Variants in SEPTIN11 observed in about 807,000 individuals in gnomAD.
SEPTIN11 encodes septin 11.
SEPTIN11 carries 25 observed loss-of-function variants against 51.4 expected under a neutral mutation model. The observed-to-expected ratio is 0.49, with a 90% CI of 0.35 to 0.68. SEPTIN11 has a LOEUF of 0.68. SEPTIN11 is among the 30% of genes least tolerant of loss of function. SEPTIN11 has a pLI of 0.00. For missense variants in SEPTIN11, 381 were observed against 520.8 expected, an observed-to-expected ratio of 0.73 and a Z score of 2.61; for synonymous variants, 174 against 184.1, an observed-to-expected ratio of 0.95 and a Z score of 0.44.
Position 77,015,518 on chromosome 4 carries a change from C to T in SEPTIN11, c.687+501C>T, listed in dbSNP as rs147179694. 2.3e-3 allele frequency among the ~76,000 whole-genome samples: 357 copies of T among 152,254 alleles called. 1 individual carries two copies. The highest frequency in any genetic ancestry group is 8.2e-3 in the African/African-American group (340 of 41,552). On this transcript the variant is annotated intron_variant, in intron 5 of 9. Transcript: ENST00000264893. ...GTCAGGTGATAAATGATTAAAGTGA[C>T]AGTGGTTCCCTGTGTGATTGTGATG...
At position 77,013,265 on chromosome 4, in the gene SEPTIN11, T is replaced by C. The variant is rs1326597173; in HGVS notation, c.525+1344T>C. Among the ~76,000 whole-genome samples the C allele has an allele frequency of 5.3e-5, 8 of 152,208 alleles. No homozygotes were observed. The South Asian group carries it at 1.0e-3, about 20-fold the overall frequency. ...GTCAACCATAAAGCAGGTTAAACTT[T>C]CAAAGAAGTGATATTGTTGGAGAGT... is the stretch of plus-strand genomic sequence containing the variant. On this transcript the variant is annotated intron_variant, in intron 4 of 9. Transcript: ENST00000264893.
At chr4:77,027,767 G>T (rs1402619455) in intron 7 of SEPTIN11, among the ~76,000 whole-genome samples, 1 of 152,182 alleles carries the variant, frequency 6.6e-6, no homozygotes, top group South Asian at 2.1e-4. Context: ...GGGGGTTGCA[G>T]TGGGGGTGTA....
intron 3 of SEPTIN11, among the ~76,000 whole-genome samples, chr4:77,011,200 G>C (rs1724837568): frequency 6.6e-6 from 1 of 152,182 alleles, no homozygotes; most frequent in African/African-American, 2.4e-5. Flanking sequence ...ATAGCTCGCA[G>C]TAGGTGGTGG....
chr4:76,970,337 A>G (rs1722189735), intron 1 of SEPTIN11, among the ~76,000 whole-genome samples: 1 of 152,240 alleles, frequency 6.6e-6, no homozygotes, highest in Non-Finnish European at 1.5e-5. Flanking sequence ...TAAACACAGC[A>G]TAGAGTAGTG....
intron 1 of SEPTIN11, among the ~76,000 whole-genome samples, chr4:76,950,503 A>G (rs1263032213): frequency 1.3e-5 from 2 of 152,226 alleles, no homozygotes; most frequent in African/African-American, 4.8e-5. Flanking sequence ...CAGATAACAC[A>G]CACAAAGTTT....
intron 1 of SEPTIN11, among the ~76,000 whole-genome samples, chr4:76,961,599 G>C (rs1488741801): frequency 6.6e-6 from 1 of 152,172 alleles, no homozygotes; most frequent in Non-Finnish European, 1.5e-5. Flanking sequence ...AATATGCTTA[G>C]AACACTTACA....
chr4:77,012,558 C>T (rs887066642), intron 4 of SEPTIN11, among the ~76,000 whole-genome samples: 2 of 152,156 alleles, frequency 1.3e-5, no homozygotes, highest in African/African-American at 4.8e-5. Flanking sequence ...ACAAGAACAA[C>T]CACAAAACTA....
At chr4:77,002,706 A>G (rs556458356) in intron 2 of SEPTIN11, among the ~76,000 whole-genome samples, 1 of 151,824 alleles carries the variant, frequency 6.6e-6, no homozygotes, top group East Asian at 1.9e-4. Context: ...GTGAGTGTGA[A>G]CTTGTTAAAC....
intron 1 of SEPTIN11, among the ~76,000 whole-genome samples, chr4:76,962,609 C>T (rs987316607): frequency 3.9e-5 from 6 of 152,126 alleles, no homozygotes; most frequent in East Asian, 1.9e-4. Context: ...CACACCCTGA[C>T]GTAACTGGTT....
chr4:76,996,304 GA>G, intron 1 of SEPTIN11, 120 bp from the exon 2 acceptor site: 1 of 746,654 alleles, frequency 1.3e-6, no homozygotes. Context: ...GGCAGCTGTG[GA>G]GGGTCTCCTT....
intron 1 of SEPTIN11, among the ~76,000 whole-genome samples, chr4:76,982,616 A>G (rs927173163): frequency 6.6e-6 from 1 of 152,172 alleles, no homozygotes; most frequent in Non-Finnish European, 1.5e-5. Flanking sequence ...TAACCCTGTA[A>G]TCTTTGTAGT....
chr4:76,999,657 A>G (rs1179020248), intron 2 of SEPTIN11, among the ~76,000 whole-genome samples: 2 of 152,258 alleles, frequency 1.3e-5, no homozygotes, highest in East Asian at 3.8e-4. Context: ...AGCAGAGGAA[A>G]TAAAACAGGG....
chr4:77,011,781 C>A lies in SEPTIN11; in HGVS notation c.385C>A (p.Leu129Met), dbSNP rs771686832. ...TATTGATGCCCAGTTCGAGGCCTAC[C>A]TGCAAGAGGAATTGAAGATTAAACG... ...EYIDAQFEAY[L>M]QEELKIKRSL... Residue 129 changes from leucine to methionine, a missense_variant, in exon 4 of 10, where the codon CTG becomes ATG. By Grantham distance (15) the Leu-to-Met change is conservative. Transcript: ENST00000264893. 2 of 1,614,106 alleles carry A rather than the reference C, an allele frequency of 1.2e-6. No homozygotes were observed. Among genetic ancestry groups the A allele is most frequent in the East Asian group, 4.5e-5 (2 of 44,884 alleles).
chr4:77,039,788 T>C, downstream of SEPTIN11: 10 of 947,930 alleles, frequency 1.1e-5, no homozygotes, highest in Non-Finnish European at 1.3e-5. Flanking sequence ...CATCCTTCCT[T>C]TAAATTCAGG....
intron 1 of SEPTIN11, among the ~76,000 whole-genome samples, chr4:76,961,356 A>G (rs1721818990): frequency 6.6e-6 from 1 of 152,164 alleles, no homozygotes; most frequent in African/African-American, 2.4e-5. Context: ...TAGAATCTGG[A>G]TGGAATGTCT....
intron 1 of SEPTIN11, among the ~76,000 whole-genome samples, chr4:76,964,890 G>A (rs556174238): frequency 6.6e-6 from 1 of 152,296 alleles, no homozygotes; most frequent in African/African-American, 2.4e-5. Context: ...TTTTAGTCTA[G>A]TCTCCTCAGA....
intron 1 of SEPTIN11, chr4:76,995,775 C>T: frequency 6.6e-7 from 1 of 1,510,538 alleles, no homozygotes; most frequent in Non-Finnish European, 8.8e-7. Context: ...AACTACCTTA[C>T]CCTAGTCTAC....
chr4:77,013,501 GT>G (rs1480219283), intron 4 of SEPTIN11, among the ~76,000 whole-genome samples: 2 of 152,184 alleles, frequency 1.3e-5, no homozygotes, highest in African/African-American at 4.8e-5. Context: ...TTTTGTCTAT[GT>G]TGACATTAAT....
chr4:77,016,456 A>T (rs1725233315), intron 5 of SEPTIN11, among the ~76,000 whole-genome samples: 1 of 148,334 alleles, frequency 6.7e-6, no homozygotes, highest in Admixed American at 6.8e-5. Context: ...AAAAAATGCA[A>T]CAATAAAAAC....
Sources: gnomAD v4.1 joint callset for allele counts (sites outside exome capture counted in the v4.1 genomes callset) on GRCh38, gnomAD v4.1.1 for gene constraint, MANE v1.5 for transcripts, NCBI Gene and HGNC (gene_info 2026-07-23, HGNC 2026-07-21) for gene names.